Variants in EFHB observed in about 807,000 individuals in gnomAD.
The protein encoded by EFHB is EF-hand domain-containing family member B.
Under a neutral mutation model 87.2 loss-of-function variants are expected in EFHB, and 91 were observed. The observed-to-expected ratio is 1.04, with a 90% confidence interval of 0.88 to 1.24. EFHB has a LOEUF of 1.24. Ranked by LOEUF, EFHB falls within the 50% of genes most tolerant of loss-of-function variation. The pLI is 0.00. For synonymous variants in EFHB, 325 were observed against 333.6 expected (o/e 0.97, Z 0.28); for missense variants, 1,084 against 998.8 (o/e 1.09, Z -1.15).
upstream of EFHB, chr3:19,934,334 C>G: frequency 2.8e-6 from 3 of 1,087,372 alleles, no homozygotes; most frequent in Non-Finnish European, 3.5e-6. Context: ...TCTCTCTCCC[C>G]TCTTCTCTCT....
rs186024015 is a variant in EFHB, at chr3:19,908,669, G to A, written c.1289-2920C>T. On this transcript the variant is annotated intron_variant, in intron 5 of 12. Transcript: ENST00000295824. ...GAAAGAAAGAAAAAGAAAGTTCTGTGTGAGATAGAGAATTGTGGGAATTTT... is the reference window on the plus strand; with the variant it reads ...GAAAGAAAGAAAAAGAAAGTTCTGTATGAGATAGAGAATTGTGGGAATTTT... 2.0e-3 allele frequency among the ~76,000 whole-genome samples: 297 copies of A among 151,084 alleles called. 1 individual carries two copies. The highest frequency in any genetic ancestry group is 6.8e-3 in the African/African-American group (281 of 41,176).
intron 1 of EFHB, among the ~76,000 whole-genome samples, chr3:19,941,939 G>A (rs531452026): frequency 3.4e-4 from 52 of 150,790 alleles, no homozygotes; most frequent in Non-Finnish European, 6.3e-4. Flanking sequence ...CAGATCACCT[G>A]AAGTCAGGTG....
intron 12 of EFHB, among the ~76,000 whole-genome samples, chr3:19,881,845 G>T (rs1198629438): frequency 6.6e-6 from 1 of 151,990 alleles, no homozygotes; most frequent in Non-Finnish European, 1.5e-5. Flanking sequence ...AATTATACCT[G>T]CTTTCCATAA....
upstream of EFHB, among the ~76,000 whole-genome samples, chr3:19,936,694 C>T (rs1696030243): frequency 6.6e-6 from 1 of 151,906 alleles, no homozygotes; most frequent in African/African-American, 2.4e-5. Context: ...ATGGTGAAAC[C>T]CTCTTTCTAC....
At position 19,924,533 on chromosome 3, in the gene EFHB, C is replaced by T. The variant is rs560450280; in HGVS notation, c.790-3966G>A. 5.3e-5 allele frequency among the ~76,000 whole-genome samples: 8 copies of T among 152,216 alleles called. No homozygotes were observed. In the South Asian group the frequency reaches 1.7e-3, roughly 32 times the overall value. On this transcript the variant is annotated intron_variant, in intron 1 of 12. Transcript: ENST00000295824. Reference sequence around the variant, plus strand: ...GGCCTTTTCTCACTATTTATTCACACATTTATGTATTTACATCCCTATGTA... The same window carrying T: ...GGCCTTTTCTCACTATTTATTCACATATTTATGTATTTACATCCCTATGTA...
intron 10 of EFHB, among the ~76,000 whole-genome samples, chr3:19,885,381 T>G (rs73188428): frequency 6.6e-6 from 1 of 152,162 alleles, no homozygotes; most frequent in East Asian, 1.9e-4. Flanking sequence ...AGAGAGATGA[T>G]AAGAACTCAC....
intron 5 of EFHB, among the ~76,000 whole-genome samples, chr3:19,911,552 C>T (rs1002504015): frequency 1.3e-5 from 2 of 151,408 alleles, no homozygotes; most frequent in African/African-American, 2.4e-5. Context: ...AGTGAGACTC[C>T]ATTTCAAAAA....
chr3:19,918,558 T>C, intron 3 of EFHB, 146 bp from the exon 4 acceptor site: 1 of 790,114 alleles, frequency 1.3e-6, no homozygotes. Context: ...CACCTTCAAA[T>C]GAACTGTCAG....
intron 4 of EFHB, 89 bp downstream of exon 4, chr3:19,918,143 A>G (rs1426781152): frequency 4.7e-6 from 6 of 1,287,512 alleles, no homozygotes; most frequent in African/African-American, 1.5e-5. Context: ...ACCATCACCA[A>G]ACATCATACA....
rs537283771 is a variant in EFHB at position 19,893,465 on chromosome 3, C to T, written c.1725+3222G>A. On this transcript the variant is annotated intron_variant, in intron 9 of 12. Transcript: ENST00000295824. ...GTGGCAATAGGGGGAGCGCAGCAAC[C>T]GAGCTCTTGGAGAGAGAACACTTTA... 6.6e-5 allele frequency among the ~76,000 whole-genome samples: 10 copies of T among 152,208 alleles called. No individual in the cohort carries two copies. In the South Asian group the frequency reaches 1.0e-3, roughly 16 times the overall value.
chr3:19,918,159 G>C (rs1695299548), intron 4 of EFHB, 73 bp downstream of exon 4: 40 of 1,325,380 alleles, frequency 3.0e-5, no homozygotes, highest in Non-Finnish European at 4.0e-5. Context: ...ATACAAATAA[G>C]ATATTTAATC....
chr3:19,934,256 CGCTCAAGTCCTGCTT>C (rs1695946580), upstream of EFHB: 89 of 1,416,286 alleles, frequency 6.3e-5, no homozygotes, highest in South Asian at 1.2e-3. Context: ...CGGGGCTTGG[CGCTCAAGTCCTGCTT>C]GGACAGATCC....
At chr3:19,899,252 C>T (rs1034749380) in intron 7 of EFHB, among the ~76,000 whole-genome samples, 180 bp downstream of exon 7, 1 of 152,208 alleles carries the variant, frequency 6.6e-6, no homozygotes, top group Non-Finnish European at 1.5e-5. Flanking sequence ...TTTTGGAGAA[C>T]TCACTGCTTT....
At position 19,939,668 on chromosome 3, in the gene EFHB, A is replaced by G. The variant is rs193301169; in HGVS notation, c.-31-3334T>C. Among the ~76,000 whole-genome samples, 18 of 151,394 alleles carry G rather than the reference A, an allele frequency of 1.2e-4. No homozygotes were observed. The South Asian group carries it at 1.5e-3, about 12-fold the overall frequency. On this transcript the variant is annotated intron_variant, in intron 1 of 14. Coordinates refer to the EFHB transcript ENST00000344838. ...CAGAGTGCTGGGATTACAGGCGTGA[A>G]CCACCGCACCCGCCCATGGGTCTCC...
intron 1 of EFHB, chr3:19,945,997 T>G (rs1224776853): frequency 6.6e-6 from 1 of 152,180 alleles, no homozygotes; most frequent in Non-Finnish European, 1.5e-5. Flanking sequence ...AAAACAATTT[T>G]TTTGGCGGAG....
chr3:19,906,767 A>G (rs940360145), intron 5 of EFHB, among the ~76,000 whole-genome samples: 6 of 152,054 alleles, frequency 3.9e-5, no homozygotes, highest in African/African-American at 9.7e-5. Flanking sequence ...AATTATTAGG[A>G]AAAAGAAAAA....
intron 1 of EFHB, among the ~76,000 whole-genome samples, chr3:19,923,310 A>C (rs748125023): frequency 4.6e-5 from 7 of 151,222 alleles, no homozygotes; most frequent in Non-Finnish European, 4.4e-5. Flanking sequence ...CAAGCCATGC[A>C]ACACACACAC....
chr3:19,914,993 A>G (rs1695177093), intron 5 of EFHB, among the ~76,000 whole-genome samples: 2 of 151,988 alleles, frequency 1.3e-5, no homozygotes. Context: ...TCAGGAGGCT[A>G]AGGTGGAAGG....
chr3:19,902,217 C>T (rs568730553), intron 6 of EFHB, among the ~76,000 whole-genome samples: 5 of 152,142 alleles, frequency 3.3e-5, no homozygotes, highest in South Asian at 2.1e-4. Context: ...TTCACACATG[C>T]GCACAAACAC....
Sources: allele counts gnomAD v4.1 joint callset (sites outside exome capture counted in the v4.1 genomes callset), GRCh38; gene constraint gnomAD v4.1.1; transcripts MANE v1.5; gene names NCBI Gene and HGNC (gene_info 2026-07-23, HGNC 2026-07-21).